KANSL1L: variants seen among roughly 807,000 people sequenced by gnomAD.
KANSL1L encodes KAT8 regulatory NSL complex subunit 1 like.
A neutral mutation model predicts 108.6 loss-of-function variants in KANSL1L; 25 were observed. The observed-to-expected ratio is 0.23, with a 90% CI of 0.17 to 0.32. The LOEUF (loss-of-function observed/expected upper bound fraction) is 0.32. KANSL1L is among the 10% of genes least tolerant of loss of function. The pLI is 1.00. For missense variants in KANSL1L, 1,137 were observed against 1,125.7 expected (o/e 1.01, Z -0.14); for synonymous variants, 405 against 395.1 (o/e 1.03, Z -0.30).
chr2:210,111,200 G>A (rs1375792400), intron 3 of KANSL1L, among the ~76,000 whole-genome samples: 2 of 149,802 alleles, frequency 1.3e-5, no homozygotes, highest in Non-Finnish European at 3.0e-5. Context: ...AATATATATA[G>A]CAGCATTATT....
chr2:210,144,355 T>G (rs1415247922), intron 2 of KANSL1L, among the ~76,000 whole-genome samples: 1 of 152,178 alleles, frequency 6.6e-6, no homozygotes, highest in Non-Finnish European at 1.5e-5. Flanking sequence ...TGACTATCTC[T>G]CCCCAGATTT....
chr2:210,137,461 T>A (rs1292919136), intron 2 of KANSL1L, among the ~76,000 whole-genome samples: 1 of 152,208 alleles, frequency 6.6e-6, no homozygotes, highest in African/African-American at 2.4e-5. Context: ...TATATTGACA[T>A]CATTCCCCTA....
chr2:210,094,490 T>A (rs972621018), intron 5 of KANSL1L, among the ~76,000 whole-genome samples: 1 of 152,050 alleles, frequency 6.6e-6, no homozygotes, highest in East Asian at 1.9e-4. Flanking sequence ...TAGCAAGATA[T>A]AAGAAATAAA....
intron 6 of KANSL1L, among the ~76,000 whole-genome samples, chr2:210,050,549 A>T (rs938519045): frequency 6.6e-5 from 10 of 152,076 alleles, no homozygotes; most frequent in African/African-American, 1.9e-4. Context: ...CAGGGGATAC[A>T]GTGGATGCCT....
intron 6 of KANSL1L, among the ~76,000 whole-genome samples, chr2:210,065,847 A>C (rs1478546263): frequency 6.6e-6 from 1 of 152,078 alleles, no homozygotes; most frequent in African/African-American, 2.4e-5. Context: ...CAGTCTCCCA[A>C]AGTGCTGGGA....
chr2:210,032,340 T>C (rs962723053), intron 8 of KANSL1L: 2 of 152,230 alleles, frequency 1.3e-5, no homozygotes, highest in African/African-American at 2.4e-5. Flanking sequence ...GATAGGCACA[T>C]ATAAATCCAC....
rs570272533 is a variant in KANSL1L at position 210,044,869 on chromosome 2, A to C, written c.1756-765T>G. ...ACTGCAACTTCTGCCTCCCGGGTTC[A>C]AGCGATTCTCCTGCCTCAGCCTCCT... On this transcript the variant is annotated intron_variant, in intron 6 of 14. Transcript: ENST00000281772. This position sits in a 1 kb window ranked among gnomAD's most constrained non-coding sequence, Gnocchi z 4.2. Among the ~76,000 whole-genome samples the C allele has an allele frequency of 1.3e-5, 2 of 152,098 alleles. No homozygotes were observed. The highest frequency in any genetic ancestry group is 2.9e-5 in the Non-Finnish European group (2 of 68,024).
At chr2:210,079,674 GTATA>G (rs1208859670) in intron 5 of KANSL1L, 630 of 15,778 alleles carry the variant, frequency 0.04, 54 homozygotes, top group African/African-American at 0.14. Flanking sequence ...ATGTATGTGT[GTATA>G]TATATATATA....
At chr2:210,071,773 G>A (rs1283667849) in intron 6 of KANSL1L, among the ~76,000 whole-genome samples, 1 of 152,132 alleles carries the variant, frequency 6.6e-6, no homozygotes, top group East Asian at 1.9e-4. Flanking sequence ...CAGGAGTTAG[G>A]ACATAGACAT....
chr2:210,100,080 C>G (rs568035173), intron 4 of KANSL1L, among the ~76,000 whole-genome samples: 56 of 152,280 alleles, frequency 3.7e-4, no homozygotes, highest in Non-Finnish European at 6.6e-4. Flanking sequence ...GGCTGCACAG[C>G]AGGAGGTGGG....
At chr2:210,165,441 C>T (rs1687888484) in intron 1 of KANSL1L, among the ~76,000 whole-genome samples, 1 of 151,710 alleles carries the variant, frequency 6.6e-6, no homozygotes. Flanking sequence ...TTTTTTAAAA[C>T]TAGAAAGAAT....
chr2:210,149,216 C>A (rs1048086026), intron 2 of KANSL1L, among the ~76,000 whole-genome samples: 2 of 152,048 alleles, frequency 1.3e-5, no homozygotes, highest in African/African-American at 4.8e-5. Flanking sequence ...ATGTTTATGT[C>A]TTTACAACTA....
At position 210,108,992 on chromosome 2, in the gene KANSL1L, GTTGT is replaced by G. The variant is rs1039124295; in HGVS notation, c.1231-4695_1231-4692del. Reference sequence around the variant, plus strand: ...CTTTGTCATTCCTGAAAATGATCATGTTGTTTCACACCTTCAAACCTGTAAAAAA... The same window carrying G: ...CTTTGTCATTCCTGAAAATGATCATGTTCACACCTTCAAACCTGTAAAAAA... On this transcript the variant is annotated intron_variant, in intron 3 of 14. Transcript: ENST00000281772. Among the ~76,000 whole-genome samples, 14 of 151,908 alleles carry G rather than the reference GTTGT, an allele frequency of 9.2e-5. 1 individual carries two copies. The highest frequency in any genetic ancestry group is 3.1e-4 in the African/African-American group (13 of 41,334).
At chr2:210,114,808 C>T (rs1161301176) in intron 3 of KANSL1L, among the ~76,000 whole-genome samples, 1 of 151,414 alleles carries the variant, frequency 6.6e-6, no homozygotes, top group Admixed American at 6.6e-5. Flanking sequence ...GGGGTGGGAA[C>T]AAAGCTGTAA....
At position 210,153,704 on chromosome 2, in the gene KANSL1L, C is replaced by G. The variant is rs560226857; in HGVS notation, c.879G>C (p.Lys293Asn). ...GNSLPKCTEI[K>N]PEVNTLTAEN... ...CTGCAGTCAATGTGTTAACTTCTGG[C>G]TTAATTTCAGTGCATTTAGGTAAAC... is the stretch of plus-strand genomic sequence containing the variant. The change falls in exon 2 of 15, where the codon AAG becomes AAC. Residue 293 changes from lysine to asparagine, a missense_variant. Lys to Asn is a moderately conservative substitution (Grantham distance 94). Around this residue, in one of 3 missense-constraint regions of KANSL1L, gnomAD observed 556 missense variants for 537.7 expected, o/e 1.03. Transcript: ENST00000281772. 6.2e-7 allele frequency: 1 copy of G among 1,604,874 alleles called. No homozygotes were observed. The highest frequency in any genetic ancestry group is 8.5e-7 in the Non-Finnish European group (1 of 1,176,154).
At chr2:210,149,358 G>C (rs1392213702) in intron 2 of KANSL1L, among the ~76,000 whole-genome samples, 1 of 152,072 alleles carries the variant, frequency 6.6e-6, no homozygotes, top group Admixed American at 6.6e-5. Context: ...TTAAGTTGAA[G>C]TCAACTTTAG....
At chr2:210,126,979 A>T (rs1329164333) in intron 3 of KANSL1L, among the ~76,000 whole-genome samples, 2 of 152,136 alleles carry the variant, frequency 1.3e-5, no homozygotes, top group Non-Finnish European at 1.5e-5. Flanking sequence ...GGATGGCTTG[A>T]GCCCAGGAGT....
chr2:210,029,200 A>C (rs1419162803), intron 10 of KANSL1L: 1 of 386,482 alleles, frequency 2.6e-6, no homozygotes, highest in Non-Finnish European at 4.5e-6. Flanking sequence ...TATGTGTGCA[A>C]GCATACAAGC....
intron 3 of KANSL1L, among the ~76,000 whole-genome samples, chr2:210,127,779 A>T (rs1469075599): frequency 2.1e-5 from 3 of 143,434 alleles, no homozygotes; most frequent in Non-Finnish European, 3.0e-5. Context: ...AGCCTGGGTG[A>T]CAGAACAAGA....
Sources: gnomAD v4.1 joint callset for allele counts (sites outside exome capture counted in the v4.1 genomes callset) on GRCh38, gnomAD v4.1.1 for gene constraint, gnomAD v4.1.1 regional missense constraint, Gnocchi (gnomAD v3.1) non-coding constraint, MANE v1.5 for transcripts, NCBI Gene and HGNC (gene_info 2026-07-23, HGNC 2026-07-21) for gene names.